TLL2: variants seen among roughly 807,000 people sequenced by gnomAD.
The protein encoded by TLL2 is tolloid like 2.
Under a neutral mutation model 123.0 loss-of-function variants are expected in TLL2, and 106 were observed. The ratio of observed to expected loss-of-function variants is 0.86; its 90% CI spans 0.74 to 1.01. TLL2 has a LOEUF of 1.01. TLL2 is among the 50% of genes least tolerant of loss of function. The pLI, the probability that TLL2 is intolerant of heterozygous loss-of-function variation, is 0.00. For missense variants in TLL2, 1,332 were observed against 1,336.7 expected (o/e 1.00, Z 0.06); for synonymous variants, 494 against 516.8 (o/e 0.96, Z 0.60).
chr10:96,470,920 C>G (rs1273053369), intron 2 of TLL2, among the ~76,000 whole-genome samples: 1 of 152,180 alleles, frequency 6.6e-6, no homozygotes, highest in South Asian at 2.1e-4. Context: ...AAAGAGGAAC[C>G]AGCATTGAAT....
intron 1 of TLL2, among the ~76,000 whole-genome samples, chr10:96,481,720 G>A (rs897932170): frequency 6.6e-6 from 1 of 152,150 alleles, no homozygotes; most frequent in Non-Finnish European, 1.5e-5. Flanking sequence ...AGCATGCCTT[G>A]GTTGTTATTA....
chr10:96,391,970 C>T lies in TLL2; in HGVS notation c.1726+3217G>A, dbSNP rs572186841. 1.3e-4 allele frequency among the ~76,000 whole-genome samples: 20 copies of T among 152,318 alleles called. No homozygotes were observed. In the South Asian group the frequency reaches 2.9e-3, roughly 22 times the overall value. On this transcript the variant is annotated intron_variant, in intron 13 of 20. Transcript: ENST00000357947. ...GGACACTGGGTAACCTGGGCCCCGT[C>T]GCAGACTGAGTCTCACAGCCTCCAC...
chr10:96,490,433 C>T (rs1284348011), intron 1 of TLL2, among the ~76,000 whole-genome samples: 2 of 152,130 alleles, frequency 1.3e-5, no homozygotes, highest in Non-Finnish European at 2.9e-5. Context: ...AATGTAGAAT[C>T]GTTTGAAAGC....
At chr10:96,496,768 T>C (rs1341980409) in intron 1 of TLL2, among the ~76,000 whole-genome samples, 1 of 152,218 alleles carries the variant, frequency 6.6e-6, no homozygotes, top group Non-Finnish European at 1.5e-5. Flanking sequence ...GCCGGCCATA[T>C]CTGCAAGGCT....
At chr10:96,395,056 T>G (rs892044595) in intron 13 of TLL2, 131 bp downstream of exon 13, 33 of 959,604 alleles carry the variant, frequency 3.4e-5, no homozygotes, top group Non-Finnish European at 4.5e-5. Flanking sequence ...AGCTCTGAAA[T>G]GCATCGCTGC....
chr10:96,498,532 G>C (rs1847501523), intron 1 of TLL2, among the ~76,000 whole-genome samples: 2 of 152,126 alleles, frequency 1.3e-5, no homozygotes, highest in Non-Finnish European at 2.9e-5. Flanking sequence ...ATTGCTCATT[G>C]TCCACCAATA....
At chr10:96,412,921 C>A (rs2134071257) in intron 8 of TLL2, among the ~76,000 whole-genome samples, 2 of 152,330 alleles carry the variant, frequency 1.3e-5, no homozygotes, top group South Asian at 4.1e-4. Flanking sequence ...ATGCCTTCTT[C>A]CCCTTCTGGA....
In TLL2 at chr10:96,476,877, C is replaced by CACAG. The variant is rs1554939742; in HGVS notation, c.286+3471_286+3472insCTGT. ...TATGTTACACACACACACACACACA[C>CACAG]ACACACACACACACACACACGCAAA... On this transcript the variant is annotated intron_variant, in intron 2 of 20. Coordinates refer to ENST00000357947, the MANE Select transcript of TLL2 (RefSeq NM_012465.4). 9.5e-3 allele frequency among the ~76,000 whole-genome samples: 1,430 copies of CACAG among 149,782 alleles called. 26 individuals are homozygous for CACAG. The highest frequency in any genetic ancestry group is 0.032 in the African/African-American group (1,318 of 40,576).
chr10:96,512,256 C>A (rs1847639147), intron 1 of TLL2, among the ~76,000 whole-genome samples: 1 of 152,216 alleles, frequency 6.6e-6, no homozygotes, highest in Non-Finnish European at 1.5e-5. Context: ...CCTCCCAACC[C>A]CCAGCCTAGA....
At chr10:96,487,328 C>A (rs376503380) in intron 1 of TLL2, among the ~76,000 whole-genome samples, 26 of 152,320 alleles carry the variant, frequency 1.7e-4, no homozygotes, top group East Asian at 9.7e-4. Flanking sequence ...CTCCCTCCCC[C>A]ACCTGTCCTC....
chr10:96,467,626 C>T (rs184362910), intron 2 of TLL2, among the ~76,000 whole-genome samples: 98 of 152,194 alleles, frequency 6.4e-4, no homozygotes, highest in Non-Finnish European at 1.3e-3. Flanking sequence ...CACTATACTG[C>T]GAAAATGTAT....
chr10:96,466,602 C>G (rs1469009018), intron 2 of TLL2, among the ~76,000 whole-genome samples: 3 of 152,232 alleles, frequency 2.0e-5, no homozygotes, highest in African/African-American at 7.2e-5. Context: ...CACCTCCTCT[C>G]TCCAGCCCAC....
At chr10:96,406,931 C>T (rs1386680797) in intron 9 of TLL2, among the ~76,000 whole-genome samples, 1 of 152,112 alleles carries the variant, frequency 6.6e-6, no homozygotes, top group African/African-American at 2.4e-5. Context: ...CATCCCTCCC[C>T]TCTAACCCCA....
At chr10:96,501,527 T>A (rs1303203162) in intron 1 of TLL2, among the ~76,000 whole-genome samples, 1 of 152,238 alleles carries the variant, frequency 6.6e-6, no homozygotes, top group Non-Finnish European at 1.5e-5. Context: ...TAGCTCCCCA[T>A]TTCCTTAGGG....
At position 96,376,805 on chromosome 10, in the gene TLL2, T is replaced by G; in HGVS notation, c.2335A>C (p.Lys779Gln). ...HDCKEAGCAH[K>Q]ISSVEGTLAS... is the part of the protein sequence containing the mutation. ...AGGGTCCCCTCCACACTGCTGATCT[T>G]GTGTGCACAGCCAGCTGGGGGTGGC... The change falls in exon 18 of 21, where the codon AAG (lysine) becomes CAG (glutamine). Residue 779 changes from lysine (K) to glutamine (Q), a missense_variant. Coordinates refer to ENST00000357947, the MANE Select transcript of TLL2 (RefSeq NM_012465.4). 6.5e-7 allele frequency: 1 copy of G among 1,549,472 alleles called. No homozygotes were observed. The highest frequency in any genetic ancestry group is 8.7e-7 in the Non-Finnish European group (1 of 1,151,272).
chr10:96,413,316 T>C lies in TLL2; in HGVS notation c.924A>G (p.Arg308=), dbSNP rs1846525545. Residue 308 remains arginine, a splice_region_variant and synonymous_variant, in exon 8 of 21, where the codon AGA becomes AGG. Coordinates refer to ENST00000357947, the MANE Select transcript of TLL2 (RefSeq NM_012465.4). ...GAAGGATGGTGTCTAAGAAAACTCC[T>C]CTACAGGAAGGAAAAAAGACAGAAA... ...IMHYARNTFS[R]GVFLDTILPR... is the part of the protein sequence containing the mutation. 1.2e-6 allele frequency: 2 copies of C among 1,612,594 alleles called. No homozygotes were observed. Among genetic ancestry groups the C allele is most frequent in the South Asian group, 1.1e-5 (1 of 91,042 alleles).
chr10:96,466,982 C>G (rs1847138204), intron 2 of TLL2, among the ~76,000 whole-genome samples: 1 of 152,104 alleles, frequency 6.6e-6, no homozygotes, highest in African/African-American at 2.4e-5. Flanking sequence ...ATAGGTAGCC[C>G]TAAGAATGGT....
intron 4 of TLL2, among the ~76,000 whole-genome samples, chr10:96,430,036 AG>A (rs1172659668): frequency 6.6e-6 from 1 of 152,238 alleles, no homozygotes; most frequent in African/African-American, 2.4e-5. Flanking sequence ...TGAGTTCTAC[AG>A]GGCCCTCATT....
chr10:96,420,618 G>T (rs531495454), intron 7 of TLL2, among the ~76,000 whole-genome samples: 2 of 152,264 alleles, frequency 1.3e-5, no homozygotes, highest in South Asian at 4.1e-4. Flanking sequence ...GCACCACCAT[G>T]CTTCTACAAA....
Sources: allele counts gnomAD v4.1 joint callset (sites outside exome capture counted in the v4.1 genomes callset), GRCh38; gene constraint gnomAD v4.1.1; transcripts MANE v1.5; gene names NCBI Gene and HGNC (gene_info 2026-07-23, HGNC 2026-07-21).